Variants in TUSC3 observed in about 807,000 individuals in gnomAD.
TUSC3 encodes tumor suppressor candidate 3.
A neutral mutation model predicts 44.8 loss-of-function variants in TUSC3; 45 were observed. The observed-to-expected ratio is 1.00, with a 90% CI of 0.79 to 1.29. TUSC3 has a LOEUF of 1.29. TUSC3 is among the 50% of genes most tolerant of loss of function. TUSC3 has a pLI of 0.00. For missense variants in TUSC3, 519 were observed against 437.9 expected, an observed-to-expected ratio of 1.19 and a Z score of -1.65; for synonymous variants, 212 against 152.9, an observed-to-expected ratio of 1.39 and a Z score of -2.85.
At position 15,650,755 on chromosome 8, in the gene TUSC3, T is replaced by A; in HGVS notation, c.367T>A (p.Cys123Ser). ...CTCCTGGCGCTATTCATCTGCTTTT[T>A]GTAACAAGCTCTTCTTCAGTATGGT... Reference protein sequence around the residue: ...ANSWRYSSAFCNKLFFSMVDY... With the variant: ...ANSWRYSSAFSNKLFFSMVDY... Residue 123 changes from cysteine (C) to serine (S), a missense_variant, in exon 3 of 11, where the codon TGT becomes AGT. By Grantham distance (112) the Cys-to-Ser change is moderately radical. Transcript: ENST00000503731. The A allele has an allele frequency of 6.2e-7, 1 of 1,614,190 alleles. No homozygotes were observed. The highest frequency in any genetic ancestry group is 8.5e-7 in the Non-Finnish European group (1 of 1,180,028).
intron 1 of TUSC3, among the ~76,000 whole-genome samples, chr8:15,604,981 T>A (rs552466651): frequency 2.0e-5 from 3 of 152,014 alleles, no homozygotes; most frequent in South Asian, 4.1e-4. Context: ...GGTAAAGAGA[T>A]ACATAAAACT....
At chr8:15,763,940 A>C (rs900911217) in intron 10 of TUSC3, among the ~76,000 whole-genome samples, 2 of 152,050 alleles carry the variant, frequency 1.3e-5, no homozygotes, top group African/African-American at 4.8e-5. Flanking sequence ...CCAGCAATGA[A>C]AGGAATGTCT....
At chr8:15,457,694 AAAT>A (rs1467454719) in intron 1 of TUSC3, among the ~76,000 whole-genome samples, 3 of 149,568 alleles carry the variant, frequency 2.0e-5, no homozygotes, top group Admixed American at 1.3e-4. Flanking sequence ...TCACAAAATA[AAAT>A]AATTTATTAG....
chr8:15,539,345 CTTTT>C (rs35685582), upstream of TUSC3, among the ~76,000 whole-genome samples: 416 of 69,404 alleles, frequency 6.0e-3, 4 homozygotes, highest in African/African-American at 0.024. Flanking sequence ...TGCTATGGTT[CTTTT>C]TTTTTTTTTT....
intron 1 of TUSC3, among the ~76,000 whole-genome samples, chr8:15,621,131 A>G (rs1267990489): frequency 1.3e-5 from 2 of 152,030 alleles, no homozygotes; most frequent in Admixed American, 6.6e-5. Flanking sequence ...CACTCTTTCC[A>G]TAGAGGGTCA....
At chr8:15,728,568 T>A (rs915409581) in intron 6 of TUSC3, among the ~76,000 whole-genome samples, 2 of 151,958 alleles carry the variant, frequency 1.3e-5, no homozygotes, top group Non-Finnish European at 2.9e-5. Context: ...CCTAAACAAC[T>A]GGAAAAATTA....
intron 2 of TUSC3, among the ~76,000 whole-genome samples, chr8:15,638,743 C>G (rs1284271389): frequency 6.6e-6 from 1 of 152,138 alleles, no homozygotes; most frequent in African/African-American, 2.4e-5. Context: ...CCAGGCTGGT[C>G]TCAACCTCCC....
intron 6 of TUSC3, among the ~76,000 whole-genome samples, chr8:15,705,686 C>T (rs928446054): frequency 7.2e-5 from 11 of 152,010 alleles, no homozygotes; most frequent in Non-Finnish European, 1.3e-4. Context: ...TTGTGCATCT[C>T]TTCATCTCTT....
chr8:15,790,007 G>T, the TUSC3 span, among the ~76,000 whole-genome samples: 212 of 152,106 alleles, frequency 1.4e-3, 3 homozygotes, highest in Admixed American at 0.014. Context: ...TAACTCCTAG[G>T]CAGTGAACCC....
At chr8:15,579,977 C>T in intron 1 of TUSC3, among the ~76,000 whole-genome samples, 1 of 12,582 alleles carries the variant, frequency 7.9e-5, no homozygotes, top group African/African-American at 2.8e-4. Flanking sequence ...TCACTCAGGA[C>T]TTGCTTTATG....
chr8:15,515,854 A>G (rs1801209780), intron 2 of TUSC3, among the ~76,000 whole-genome samples: 1 of 151,876 alleles, frequency 6.6e-6, no homozygotes, highest in South Asian at 2.1e-4. Flanking sequence ...TATTTTTAGT[A>G]GAAACGGAGT....
chr8:15,545,807 A>G (rs928236360), intron 1 of TUSC3, among the ~76,000 whole-genome samples: 1 of 151,694 alleles, frequency 6.6e-6, no homozygotes, highest in African/African-American at 2.4e-5. Flanking sequence ...TTAGCCCTAC[A>G]TATTCATCGA....
At chr8:15,651,716 G>A (rs1356342793) in intron 3 of TUSC3, among the ~76,000 whole-genome samples, 2 of 152,136 alleles carry the variant, frequency 1.3e-5, no homozygotes, top group Non-Finnish European at 2.9e-5. Flanking sequence ...ATAAATTTCT[G>A]TTGGTTAGGT....
intron 2 of TUSC3, among the ~76,000 whole-genome samples, chr8:15,504,119 A>C (rs1242545214): frequency 6.6e-6 from 1 of 152,156 alleles, no homozygotes; most frequent in Non-Finnish European, 1.5e-5. Context: ...TGCTTCCAGC[A>C]AAAGAAAGCC....
chr8:15,452,007 C>T (rs1244182114), intron 1 of TUSC3, among the ~76,000 whole-genome samples: 1 of 152,068 alleles, frequency 6.6e-6, no homozygotes, highest in Non-Finnish European at 1.5e-5. Context: ...GTGATGATGT[C>T]TTACAAGAGT....
the TUSC3 span, among the ~76,000 whole-genome samples, chr8:15,774,689 G>C: frequency 6.6e-6 from 1 of 152,136 alleles, no homozygotes; most frequent in African/African-American, 2.4e-5. Flanking sequence ...GTAAACATCA[G>C]AGTAAAATAT....
At chr8:15,575,828 AT>A (rs538939999) in intron 1 of TUSC3, among the ~76,000 whole-genome samples, 1 of 151,772 alleles carries the variant, frequency 6.6e-6, no homozygotes, top group Non-Finnish European at 1.5e-5. Flanking sequence ...AGTTTATATC[AT>A]TTTTTTGTGG....
intron 1 of TUSC3, among the ~76,000 whole-genome samples, chr8:15,543,667 C>G (rs142430723): frequency 6.6e-5 from 10 of 151,104 alleles, no homozygotes; most frequent in Middle Eastern, 3.5e-3. Context: ...GTAGCTGTTA[C>G]TATGTATTCC....
chr8:15,768,840 A>T (rs1210955746), downstream of TUSC3, among the ~76,000 whole-genome samples: 2 of 152,108 alleles, frequency 1.3e-5, no homozygotes, highest in Non-Finnish European at 2.9e-5. Context: ...TTGCTACAAA[A>T]AGAATAAAAT....
Sources: allele counts gnomAD v4.1 joint callset (sites outside exome capture counted in the v4.1 genomes callset), GRCh38; gene constraint gnomAD v4.1.1; transcripts MANE v1.5; gene names NCBI Gene and HGNC (gene_info 2026-07-23, HGNC 2026-07-21).